Variants in RSPO3 observed in about 807,000 individuals in gnomAD.
RSPO3 encodes R-spondin-3.
In RSPO3, 17 loss-of-function variants were observed where a neutral mutation model predicts 36.5. That is an observed-to-expected ratio of 0.47 (90% CI 0.32 to 0.70). The LOEUF is 0.70. Among genes scored for constraint, RSPO3 ranks in the 30% least tolerant of loss-of-function variants. The probability of loss-of-function intolerance (pLI) is 0.04; values close to 1 mark genes in which losing one functional copy is unlikely to be tolerated. For synonymous variants in RSPO3, 108 were observed against 107.0 expected, an observed-to-expected ratio of 1.01 and a Z score of -0.06; for missense variants, 294 against 322.5, an observed-to-expected ratio of 0.91 and a Z score of 0.68.
chr6:127,135,730 C>A (rs1774142475), intron 1 of RSPO3, among the ~76,000 whole-genome samples: 2 of 151,990 alleles, frequency 1.3e-5, no homozygotes, highest in African/African-American at 4.8e-5. Flanking sequence ...AGTTCAAGAC[C>A]AGCCTGGGCA....
intron 4 of RSPO3, among the ~76,000 whole-genome samples, chr6:127,161,429 T>G (rs1774708641): frequency 6.6e-6 from 1 of 152,194 alleles, no homozygotes; most frequent in African/African-American, 2.4e-5. Flanking sequence ...TTATATCATT[T>G]TTTAGAACTC....
At chr6:127,148,612 A>C in intron 1 of RSPO3, 36 bp from the exon 2 acceptor site, 1 of 1,536,736 alleles carries the variant, frequency 6.5e-7, no homozygotes, top group Non-Finnish European at 8.9e-7. Context: ...TCTGTGATTT[A>C]ACCTTTGTAA....
chr6:127,180,643 G>T (rs1330567459), intron 4 of RSPO3, among the ~76,000 whole-genome samples: 1 of 151,676 alleles, frequency 6.6e-6, no homozygotes, highest in Non-Finnish European at 1.5e-5. Context: ...CCTTGAGTGG[G>T]TTAACAACTT....
At chr6:127,161,566 G>A (rs1774712000) in intron 4 of RSPO3, among the ~76,000 whole-genome samples, 1 of 152,100 alleles carries the variant, frequency 6.6e-6, no homozygotes, top group East Asian at 1.9e-4. Context: ...TTCACAGTGG[G>A]AAATACTTAA....
At chr6:127,119,465 G>A (rs968980894) in intron 1 of RSPO3, among the ~76,000 whole-genome samples, 176 bp downstream of exon 1, 2 of 152,204 alleles carry the variant, frequency 1.3e-5, no homozygotes, top group African/African-American at 4.8e-5. Flanking sequence ...TTGCCTCTCG[G>A]CGCCCCTGCC....
Position 127,155,324 on chromosome 6 carries a change from A to T in RSPO3, c.520A>T (p.Thr174Ser), listed in dbSNP as rs1363533018. The T allele has an allele frequency of 6.2e-7, 1 of 1,613,980 alleles. No homozygotes were observed. Among genetic ancestry groups the T allele is most frequent in the Non-Finnish European group, 8.5e-7 (1 of 1,179,918 alleles). The change falls in exon 4 of 5, where the codon ACA becomes TCA. Residue 174 changes from threonine to serine, a missense_variant. Around this residue, in one of 3 missense-constraint regions of RSPO3, gnomAD observed 190 missense variants for 185.2 expected, o/e 1.03. Coordinates refer to ENST00000356698, the MANE Select transcript of RSPO3 (RefSeq NM_032784.5). ...ATGTGGCTTCAAAAGAGGGACTGAA[A>T]CACGGGTCCGAGAAATAATACAGCA... is the stretch of plus-strand genomic sequence containing the variant. ...KTCGFKRGTE[T>S]RVREIIQHPS...
chr6:127,123,927 CA>C (rs756756828), intron 1 of RSPO3, among the ~76,000 whole-genome samples: 12 of 151,936 alleles, frequency 7.9e-5, no homozygotes, highest in Non-Finnish European at 1.8e-4. Flanking sequence ...TGCATTGCTC[CA>C]AAATGAATTT....
In RSPO3 at chr6:127,197,364, C is replaced by A; in HGVS notation, c.*1357C>A. 6.5e-7 allele frequency: 1 copy of A among 1,543,282 alleles called. No homozygotes were observed. Among genetic ancestry groups the A allele is most frequent in the Non-Finnish European group, 8.7e-7 (1 of 1,143,406 alleles). ...GGCATCATTTCTTGTATGTCAGATCCCCCTGCATCTTCAACATTTAGTCTT... is the reference window on the plus strand; with the variant it reads ...GGCATCATTTCTTGTATGTCAGATCACCCTGCATCTTCAACATTTAGTCTT... On this transcript the variant is annotated 3_prime_UTR_variant, in exon 5 of 5. Transcript: ENST00000356698.
chr6:127,197,681 T>C lies in RSPO3; in HGVS notation c.*1674T>C, dbSNP rs946209571. On this transcript the variant is annotated 3_prime_UTR_variant, in exon 5 of 5. Coordinates refer to ENST00000356698, the MANE Select transcript of RSPO3 (RefSeq NM_032784.5). ...TCTCTGGACACCCGTTCTCCACCAG[T>C]TGTACAGTTCATGTAATCTACTTGG... 63 of 832,290 alleles carry C rather than the reference T, an allele frequency of 7.6e-5. No individual in the cohort carries two copies. The highest frequency in any genetic ancestry group is 1.1e-4 in the Non-Finnish European group (60 of 556,422). 51.6% of individuals were successfully genotyped at this position (832,290 alleles called of 1,614,324 possible). A position where few individuals can be genotyped will look rare whatever the true frequency, so the allele number is the denominator to read the frequency against.
In RSPO3 at chr6:127,196,035, A is replaced by C; in HGVS notation, c.*28A>C. ...GGTTCCATGAGATTATTGTAGACTC[A>C]TGATGCTGCTATCTCAACCAGATGC... On this transcript the variant is annotated 3_prime_UTR_variant, in exon 5 of 5. Coordinates refer to ENST00000356698, the MANE Select transcript of RSPO3 (RefSeq NM_032784.5). The C allele has an allele frequency of 6.5e-7, 1 of 1,548,120 alleles. No individual in the cohort carries two copies. The highest frequency in any genetic ancestry group is 8.7e-7 in the Non-Finnish European group (1 of 1,143,226).
intron 4 of RSPO3, among the ~76,000 whole-genome samples, chr6:127,177,965 G>A (rs1775089764): frequency 6.6e-6 from 1 of 151,468 alleles, no homozygotes. Flanking sequence ...ATAATCAGTG[G>A]AACACAGTCC....
chr6:127,130,442 C>G (rs566905935), intron 1 of RSPO3, among the ~76,000 whole-genome samples: 1 of 152,202 alleles, frequency 6.6e-6, no homozygotes, highest in East Asian at 1.9e-4. Context: ...AATCTACAAA[C>G]AGGAAGTCAA....
At chr6:127,195,565 A>G (rs1181498918) in intron 4 of RSPO3, among the ~76,000 whole-genome samples, 2 of 152,250 alleles carry the variant, frequency 1.3e-5, no homozygotes, top group African/African-American at 4.8e-5. Flanking sequence ...AATAAGTTCC[A>G]AACTTAGAAG....
chr6:127,128,383 A>G lies in RSPO3; in HGVS notation c.97+9094A>G, dbSNP rs1025914738. Among the ~76,000 whole-genome samples the G allele has an allele frequency of 1.1e-4, 17 of 151,994 alleles. No individual in the cohort carries two copies. The East Asian group carries it at 3.3e-3, about 29-fold the overall frequency. ...ATGCCCAGACTCCACCCTTGAACAA[A>G]TAAAACTATCTTCTCCACCCTTGAA... On this transcript the variant is annotated intron_variant, in intron 1 of 4. Transcript: ENST00000356698.
intron 3 of RSPO3, among the ~76,000 whole-genome samples, chr6:127,153,428 C>T (rs1373465353): frequency 6.6e-6 from 1 of 151,768 alleles, no homozygotes; most frequent in African/African-American, 2.4e-5. Flanking sequence ...GATAAATTCA[C>T]CTCATTTCAT....
At chr6:127,186,714 A>C (rs1381224233) in intron 4 of RSPO3, among the ~76,000 whole-genome samples, 2 of 152,172 alleles carry the variant, frequency 1.3e-5, no homozygotes, top group Non-Finnish European at 2.9e-5. Flanking sequence ...TTACATTTAA[A>C]TTTTAAATTG....
At chr6:127,125,654 A>C (rs1210334371) in intron 1 of RSPO3, among the ~76,000 whole-genome samples, 1 of 152,222 alleles carries the variant, frequency 6.6e-6, no homozygotes, top group Non-Finnish European at 1.5e-5. Flanking sequence ...TTCATTGATT[A>C]TAAGTAAATT....
chr6:127,153,896 G>C (rs182409637), intron 3 of RSPO3, among the ~76,000 whole-genome samples: 54 of 152,142 alleles, frequency 3.5e-4, no homozygotes, highest in African/African-American at 1.2e-3. Flanking sequence ...ACCAGCAAGA[G>C]ATTATAATAT....
In RSPO3 at chr6:127,197,112, G is replaced by C; in HGVS notation, c.*1105G>C. The stretch of plus-strand genomic sequence containing the variant: ...TCTTAGAGACTCATGAATTAAGAAA[G>C]AGAATTCTGCTAACTCAGAGAACCT... On this transcript the variant is annotated 3_prime_UTR_variant, in exon 5 of 5. Coordinates refer to ENST00000356698, the MANE Select transcript of RSPO3 (RefSeq NM_032784.5). 1 of 224,116 alleles carries C rather than the reference G, an allele frequency of 4.5e-6. No homozygotes were observed. The highest frequency in any genetic ancestry group is 9.5e-5 in the South Asian group (1 of 10,522). The allele number at this position is 224,116 out of a possible 1,614,324, so 13.9% of individuals were successfully genotyped here. A position where few individuals can be genotyped will look rare whatever the true frequency, so the allele number is the denominator to read the frequency against.
Sources: allele counts gnomAD v4.1 joint callset (sites outside exome capture counted in the v4.1 genomes callset), GRCh38; gene constraint gnomAD v4.1.1; regional missense constraint gnomAD v4.1.1; transcripts MANE v1.5; gene names NCBI Gene and HGNC (gene_info 2026-07-23, HGNC 2026-07-21).